Variants in CPVL observed in about 807,000 individuals in gnomAD.
CPVL encodes the protein probable serine carboxypeptidase CPVL.
CPVL carries 51 observed loss-of-function variants against 63.7 expected under a neutral mutation model. The observed-to-expected ratio is 0.80, with a 90% CI of 0.64 to 1.01. CPVL has a LOEUF of 1.01. Ranked by LOEUF, CPVL falls within the 50% of genes least tolerant of loss-of-function variation. The pLI is 0.00. For synonymous variants in CPVL, 195 were observed against 206.0 expected (o/e 0.95, Z 0.46); for missense variants, 530 against 573.1 (o/e 0.92, Z 0.77).
chr7:29,037,385 T>G (rs1788632345), intron 11 of CPVL, among the ~76,000 whole-genome samples: 1 of 148,290 alleles, frequency 6.7e-6, no homozygotes, highest in African/African-American at 2.5e-5. Flanking sequence ...TCTACTAAAA[T>G]AAATACAAAA....
intron 12 of CPVL, among the ~76,000 whole-genome samples, chr7:29,025,683 GAGA>G (rs1335458887): frequency 6.6e-6 from 1 of 152,152 alleles, no homozygotes; most frequent in Non-Finnish European, 1.5e-5. Context: ...AACCAAAAGT[GAGA>G]AGGAGTAGCT....
intron 1 of CPVL, chr7:29,125,035 CA>C (rs1789851958): frequency 6.6e-6 from 1 of 152,076 alleles, no homozygotes; most frequent in African/African-American, 2.4e-5. Context: ...CACAGAATCC[CA>C]GAGACTCAAA....
chr7:29,045,907 G>A (rs1368668964), intron 11 of CPVL, among the ~76,000 whole-genome samples: 22 of 152,196 alleles, frequency 1.4e-4, no homozygotes, highest in East Asian at 3.9e-4. Context: ...TTGATAGCCT[G>A]GGATAAGTAA....
chr7:29,075,289 C>T (rs1784129986), intron 7 of CPVL, among the ~76,000 whole-genome samples: 1 of 151,990 alleles, frequency 6.6e-6, no homozygotes, highest in African/African-American at 2.4e-5. Flanking sequence ...GAAGGAACAC[C>T]CACTCAGTTT....
chr7:29,194,874 G>A (rs539456260), intron 1 of CPVL: 4 of 1,341,108 alleles, frequency 3.0e-6, no homozygotes, highest in African/African-American at 1.5e-5. Flanking sequence ...GCGAGCGGCC[G>A]GGCGAGGGCA....
At chr7:29,195,073 C>G (rs1436270830) in intron 1 of CPVL, 1 of 1,407,760 alleles carries the variant, frequency 7.1e-7, no homozygotes, top group Non-Finnish European at 9.6e-7. Flanking sequence ...TGGACAGAGC[C>G]TACCTGTGGC....
intron 12 of CPVL, among the ~76,000 whole-genome samples, chr7:29,014,902 TA>T (rs963830414): frequency 6.6e-6 from 1 of 152,164 alleles, no homozygotes; most frequent in Non-Finnish European, 1.5e-5. Flanking sequence ...AAATTCTTAA[TA>T]AAACACACAA....
At chr7:29,152,582 T>C (rs1397691285) in intron 5 of CPVL, among the ~76,000 whole-genome samples, 1 of 152,190 alleles carries the variant, frequency 6.6e-6, no homozygotes, top group African/African-American at 2.4e-5. Flanking sequence ...TAATGTGATA[T>C]AAATTGCCTG....
intron 1 of CPVL, among the ~76,000 whole-genome samples, chr7:29,139,515 T>C (rs1791614657): frequency 7.0e-6 from 1 of 143,132 alleles, no homozygotes; most frequent in South Asian, 2.3e-4. Flanking sequence ...CTAAGAAACC[T>C]AAGAAAGGCT....
At chr7:29,103,412 T>A (rs1407533496) in intron 3 of CPVL, among the ~76,000 whole-genome samples, 1 of 4,434 alleles carries the variant, frequency 2.3e-4, no homozygotes, top group Non-Finnish European at 4.1e-4. Flanking sequence ...TGCTCAGCTA[T>A]TTTTTTTTTT....
chr7:29,003,945 C>A (rs1784923704), intron 12 of CPVL, among the ~76,000 whole-genome samples: 4 of 152,186 alleles, frequency 2.6e-5, no homozygotes, highest in Admixed American at 2.6e-4. Context: ...GCACTCACCT[C>A]CTGCTGTGTG....
chr7:29,161,476 A>C (rs1301141026), intron 5 of CPVL, among the ~76,000 whole-genome samples: 1 of 151,852 alleles, frequency 6.6e-6, no homozygotes, highest in African/African-American at 2.4e-5. Context: ...CGAACCCCAC[A>C]TTTTTGCCAG....
At chr7:29,138,447 T>C (rs1791480558) in intron 1 of CPVL, among the ~76,000 whole-genome samples, 1 of 151,878 alleles carries the variant, frequency 6.6e-6, no homozygotes, top group Admixed American at 6.6e-5. Context: ...CTCCAAATAA[T>C]AATAATAAGA....
At chr7:29,105,206 T>C (rs745457136) in intron 3 of CPVL, among the ~76,000 whole-genome samples, 1 of 152,188 alleles carries the variant, frequency 6.6e-6, no homozygotes, top group Non-Finnish European at 1.5e-5. Flanking sequence ...CATTCATCCA[T>C]GGCTAGCCTG....
chr7:29,172,277 G>A (rs193237721), intron 5 of CPVL, among the ~76,000 whole-genome samples: 3 of 152,256 alleles, frequency 2.0e-5, no homozygotes, highest in African/African-American at 7.2e-5. Flanking sequence ...GTTGCTGTGG[G>A]CATCACAGCT....
At chr7:29,166,251 C>T (rs186020330) in intron 5 of CPVL, among the ~76,000 whole-genome samples, 160 of 152,156 alleles carry the variant, frequency 1.1e-3, no homozygotes, top group Non-Finnish European at 1.9e-3. Context: ...CCAGGCTAGT[C>T]TCAAACTCCT....
intron 1 of CPVL, 34 bp from the exon 2 acceptor site, chr7:29,121,105 T>C: frequency 6.5e-7 from 1 of 1,526,924 alleles, no homozygotes; most frequent in East Asian, 2.4e-5. Context: ...AAATGAATCA[T>C]AAGAGTAAAT....
At chr7:29,085,455 GA>G (rs2066538260) in intron 7 of CPVL, among the ~76,000 whole-genome samples, 1 of 152,152 alleles carries the variant, frequency 6.6e-6, no homozygotes, top group Admixed American at 6.5e-5. Context: ...GTAATAGGAG[GA>G]AAAGGGAAAA....
intron 5 of CPVL, among the ~76,000 whole-genome samples, chr7:29,152,802 A>G (rs1793784169): frequency 6.6e-6 from 1 of 152,240 alleles, no homozygotes; most frequent in Non-Finnish European, 1.5e-5. Flanking sequence ...TTGACAAGAA[A>G]CAGGCAAGCA....
Sources: gnomAD v4.1 joint callset for allele counts (sites outside exome capture counted in the v4.1 genomes callset) on GRCh38, gnomAD v4.1.1 for gene constraint, MANE v1.5 for transcripts, NCBI Gene and HGNC (gene_info 2026-07-23, HGNC 2026-07-21) for gene names.